PCOLCE2: variants seen among roughly 807,000 people sequenced by gnomAD.
PCOLCE2 encodes the protein procollagen C-endopeptidase enhancer 2, also known as procollagen C-proteinase enhancer 2.
Under a neutral mutation model 47.0 loss-of-function variants are expected in PCOLCE2, and 42 were observed. That is an observed-to-expected ratio of 0.89 (90% CI 0.70 to 1.16). PCOLCE2 has a LOEUF of 1.16. Among genes scored for constraint, PCOLCE2 ranks in the 50% most tolerant of loss-of-function variants. The pLI is 0.00. For synonymous variants in PCOLCE2, 169 were observed against 191.7 expected, an observed-to-expected ratio of 0.88 and a Z score of 0.98; for missense variants, 500 against 526.1, an observed-to-expected ratio of 0.95 and a Z score of 0.49.
intron 6 of PCOLCE2, among the ~76,000 whole-genome samples, chr3:142,824,825 G>A (rs1481674625): frequency 5.3e-5 from 8 of 151,822 alleles, no homozygotes; most frequent in African/African-American, 9.7e-5. Flanking sequence ...ATTTCATTTC[G>A]CCATGTTGGC....
At chr3:142,833,330 A>T (rs940284754) in intron 5 of PCOLCE2, among the ~76,000 whole-genome samples, 20 of 152,160 alleles carry the variant, frequency 1.3e-4, no homozygotes, top group African/African-American at 4.8e-4. Context: ...CGGGGATTAC[A>T]TGCACTACCA....
intron 1 of PCOLCE2, among the ~76,000 whole-genome samples, chr3:142,888,339 C>T (rs1447434110): frequency 6.6e-6 from 1 of 152,204 alleles, no homozygotes; most frequent in Admixed American, 6.5e-5. Context: ...GCTCCTGGGG[C>T]CTTCCAGAGG....
At chr3:142,839,307 G>A (rs1937238968) in intron 4 of PCOLCE2, among the ~76,000 whole-genome samples, 1 of 151,852 alleles carries the variant, frequency 6.6e-6, no homozygotes, top group Non-Finnish European at 1.5e-5. Context: ...CAAAATTGCT[G>A]AGAGTAAATT....
In PCOLCE2 at chr3:142,828,041, C is replaced by T. The variant is rs144298810; in HGVS notation, c.865+1651G>A. On this transcript the variant is annotated intron_variant, in intron 6 of 8. Coordinates refer to ENST00000295992, the MANE Select transcript of PCOLCE2 (RefSeq NM_013363.4). The stretch of plus-strand genomic sequence containing the variant: ...GACTCTCTCTGAATTTGTGCCATAG[C>T]ACAGTTCGCCTGGACCAGCACGAGA... 3.9e-3 allele frequency among the ~76,000 whole-genome samples: 588 copies of T among 152,304 alleles called. 5 individuals are homozygous for T. Among genetic ancestry groups the T allele is most frequent in the African/African-American group, 0.014 (570 of 41,564 alleles).
At position 142,838,741 on chromosome 3, in the gene PCOLCE2, TATTAAAGACATAAA is replaced by T. The variant is rs1937231276; in HGVS notation, c.710+15_710+28del. 6.3e-7 allele frequency: 1 copy of T among 1,594,824 alleles called. No individual in the cohort carries two copies. The highest frequency in any genetic ancestry group is 1.3e-5 in the African/African-American group (1 of 74,448). On this transcript the variant is annotated intron_variant, in intron 5 of 8. Transcript: ENST00000295992. Reference sequence around the variant, plus strand: ...AGAAACAAGTTTAGAGCCATAAAACTATTAAAGACATAAATAGGTGCTACTTACGCAGGTGGACT... The same window carrying T: ...AGAAACAAGTTTAGAGCCATAAAACTTAGGTGCTACTTACGCAGGTGGACT...
At chr3:142,854,552 CAT>C (rs1034789039) in intron 2 of PCOLCE2, among the ~76,000 whole-genome samples, 1 of 152,126 alleles carries the variant, frequency 6.6e-6, no homozygotes, top group African/African-American at 2.4e-5. Flanking sequence ...AAAAATAAAA[CAT>C]ATTTTGATTG....
At chr3:142,870,144 T>A (rs1933358347) in intron 2 of PCOLCE2, among the ~76,000 whole-genome samples, 1 of 152,198 alleles carries the variant, frequency 6.6e-6, no homozygotes, top group Admixed American at 6.5e-5. Flanking sequence ...AGTTAGAAGA[T>A]CCTAACTCAA....
At chr3:142,838,076 A>C (rs1937224904) in intron 5 of PCOLCE2, among the ~76,000 whole-genome samples, 1 of 151,782 alleles carries the variant, frequency 6.6e-6, no homozygotes, top group Non-Finnish European at 1.5e-5. Context: ...TTCCCATTCC[A>C]CTCTGATGCT....
intron 3 of PCOLCE2, 117 bp downstream of exon 3, chr3:142,848,100 G>A (rs969180697): frequency 5.1e-6 from 5 of 986,158 alleles, no homozygotes; most frequent in African/African-American, 3.2e-5. Flanking sequence ...ATGGTTTGAT[G>A]GCATTCACTA....
At chr3:142,826,161 C>G (rs556291344) in intron 6 of PCOLCE2, among the ~76,000 whole-genome samples, 2 of 152,052 alleles carry the variant, frequency 1.3e-5, no homozygotes, top group African/African-American at 2.4e-5. Context: ...CCCACCACCA[C>G]GCCCGGCTAA....
At chr3:142,861,298 T>G (rs1440026521) in intron 2 of PCOLCE2, among the ~76,000 whole-genome samples, 1 of 152,246 alleles carries the variant, frequency 6.6e-6, no homozygotes, top group Non-Finnish European at 1.5e-5. Flanking sequence ...TTTATCTTTC[T>G]TCATTCATTT....
intron 2 of PCOLCE2, among the ~76,000 whole-genome samples, chr3:142,862,371 C>G (rs1206478846): frequency 6.6e-6 from 1 of 152,180 alleles, no homozygotes; most frequent in Non-Finnish European, 1.5e-5. Flanking sequence ...TTCGTTCTCT[C>G]TCTTCTGTTA....
intron 2 of PCOLCE2, among the ~76,000 whole-genome samples, chr3:142,881,358 G>A (rs927968300): frequency 1.2e-4 from 19 of 152,104 alleles, no homozygotes; most frequent in African/African-American, 4.3e-4. Flanking sequence ...AGAATCAGAT[G>A]CAAATAAAAT....
chr3:142,839,207 C>T (rs544107901), intron 4 of PCOLCE2, among the ~76,000 whole-genome samples: 18 of 152,288 alleles, frequency 1.2e-4, no homozygotes, highest in African/African-American at 4.3e-4. Flanking sequence ...CATTATGTAA[C>T]ACTAGCAACC....
At chr3:142,827,817 C>A (rs976336301) in intron 6 of PCOLCE2, 2 of 573,556 alleles carry the variant, frequency 3.5e-6, no homozygotes, top group East Asian at 3.0e-5. Flanking sequence ...GAAAATCTCA[C>A]GGACACCTCA....
At chr3:142,857,685 C>A (rs969912084) in intron 2 of PCOLCE2, among the ~76,000 whole-genome samples, 3 of 152,176 alleles carry the variant, frequency 2.0e-5, no homozygotes, top group Non-Finnish European at 4.4e-5. Flanking sequence ...GGACACAGGG[C>A]CACCCTGGCC....
chr3:142,887,320 G>A (rs775082264), intron 2 of PCOLCE2: 11 of 171,322 alleles, frequency 6.4e-5, no homozygotes, highest in Admixed American at 1.8e-4. Flanking sequence ...ATGAAGGCAC[G>A]AGCAACAAAA....
At position 142,820,953 on chromosome 3, in the gene PCOLCE2, C is replaced by T. The variant is rs530037755; in HGVS notation, c.1042G>A (p.Ala348Thr). ...IINIYKEGNLAIQQAGKNMSA... is the reference protein window; with the variant it reads ...IINIYKEGNLTIQQAGKNMSA... ...ATGTTCTTGCCCGCCTGCTGAATCG[C>T]CAAATTTCCCTCTTTGTAGATGTTG... Residue 348 changes from alanine (A) to threonine (T), a missense_variant, in exon 8 of 9, where the codon GCG becomes ACG. Transcript: ENST00000295992. 1.5e-5 allele frequency: 25 copies of T among 1,614,092 alleles called. No individual in the cohort carries two copies. In the African/African-American group the frequency reaches 2.3e-4, roughly 15 times the overall value.
At chr3:142,834,561 T>C (rs1479537923) in intron 5 of PCOLCE2, among the ~76,000 whole-genome samples, 1 of 152,206 alleles carries the variant, frequency 6.6e-6, no homozygotes, top group East Asian at 1.9e-4. Flanking sequence ...AGAAAAGACA[T>C]TTGTGAATAA....
Sources: gnomAD v4.1 joint callset for allele counts (sites outside exome capture counted in the v4.1 genomes callset) on GRCh38, gnomAD v4.1.1 for gene constraint, MANE v1.5 for transcripts, NCBI Gene and HGNC (gene_info 2026-07-23, HGNC 2026-07-21) for gene names.